MAGI2: variants seen among roughly 807,000 people sequenced by gnomAD.
The protein encoded by MAGI2 is membrane associated guanylate kinase, WW and PDZ domain containing 2.
MAGI2 carries 35 observed loss-of-function variants against 133.3 expected under a neutral mutation model. The ratio of observed to expected loss-of-function variants is 0.26; its 90% confidence interval spans 0.20 to 0.35. The LOEUF (loss-of-function observed/expected upper bound fraction) is 0.35, where lower values mean the gene tolerates loss of function less well. Ranked by LOEUF, MAGI2 falls within the 10% of genes least tolerant of loss-of-function variation. The pLI is 1.00. For missense variants in MAGI2, 1,636 were observed against 1,863.4 expected, an observed-to-expected ratio of 0.88 and a Z score of 2.25; for synonymous variants, 729 against 710.6, an observed-to-expected ratio of 1.03 and a Z score of -0.41.
At chr7:79,314,628 A>G (rs1448664888) in intron 1 of MAGI2, among the ~76,000 whole-genome samples, 1 of 152,122 alleles carries the variant, frequency 6.6e-6, no homozygotes, top group Non-Finnish European at 1.5e-5. Context: ...CTTCCTCCTG[A>G]GGATCAATTT....
intron 1 of MAGI2, among the ~76,000 whole-genome samples, chr7:79,289,438 T>C (rs1229733013): frequency 2.0e-5 from 3 of 152,272 alleles, no homozygotes; most frequent in African/African-American, 7.2e-5. Context: ...GAGGGCAAGG[T>C]CATGAGATTT....
At chr7:78,762,315 C>T (rs1400297241) in intron 2 of MAGI2, among the ~76,000 whole-genome samples, 3 of 151,996 alleles carry the variant, frequency 2.0e-5, no homozygotes, top group Non-Finnish European at 4.4e-5. Flanking sequence ...TGGTGGTGCA[C>T]ACCTGTAATC....
chr7:78,829,525 C>T (rs1357171951), intron 2 of MAGI2, among the ~76,000 whole-genome samples: 1 of 151,864 alleles, frequency 6.6e-6, no homozygotes, highest in African/African-American at 2.4e-5. Flanking sequence ...ATTGATTATT[C>T]ATCAATTTAT....
intron 2 of MAGI2, among the ~76,000 whole-genome samples, chr7:78,987,994 T>C (rs1805425663): frequency 6.6e-6 from 1 of 152,100 alleles, no homozygotes; most frequent in African/African-American, 2.4e-5. Flanking sequence ...AATAATGCTG[T>C]TCTATGCAGT....
Position 79,102,241 on chromosome 7 carries a change from A to AT in MAGI2, c.302-95036dup, listed in dbSNP as rs564140593. Among the ~76,000 whole-genome samples the AT allele has an allele frequency of 4.6e-5, 7 of 152,000 alleles. No individual in the cohort carries two copies. The South Asian group carries it at 1.0e-3, about 23-fold the overall frequency. ...GCCCCAAAATTCATTTAATCATTTG[A>AT]TTTTTTTTACTTTCAGATGTTGCCA... On this transcript the variant is annotated intron_variant, in intron 1 of 21. Transcript: ENST00000354212.
chr7:79,028,249 A>ATATATATATATATATGTATG (rs1810137746), intron 1 of MAGI2, among the ~76,000 whole-genome samples: 1 of 28,732 alleles, frequency 3.5e-5, no homozygotes, highest in African/African-American at 1.0e-4. Flanking sequence ...ATATATATAT[A>ATATATATATATATATGTATG]TATATATATA....
intron 13 of MAGI2, among the ~76,000 whole-genome samples, chr7:78,183,564 AT>A (rs976821523): frequency 6.6e-6 from 1 of 151,420 alleles, no homozygotes; most frequent in Non-Finnish European, 1.5e-5. Context: ...GCAATCGGCC[AT>A]TTTTGTATTT....
intron 1 of MAGI2, among the ~76,000 whole-genome samples, chr7:79,404,533 T>C (rs979980724): frequency 2.6e-5 from 4 of 152,104 alleles, no homozygotes; most frequent in African/African-American, 9.7e-5. Flanking sequence ...TATGAATACA[T>C]TTTTCTTTTC....
At chr7:78,768,121 C>A (rs758780385) in intron 2 of MAGI2, among the ~76,000 whole-genome samples, 12 of 152,184 alleles carry the variant, frequency 7.9e-5, no homozygotes, top group Non-Finnish European at 1.6e-4. Context: ...TGAGTGCCAT[C>A]CATCTTCTCC....
chr7:79,365,241 G>A (rs1283201023), intron 1 of MAGI2, among the ~76,000 whole-genome samples: 4 of 152,156 alleles, frequency 2.6e-5, no homozygotes, highest in Non-Finnish European at 5.9e-5. Context: ...CAATACCAAA[G>A]CGTGGAGAGA....
chr7:79,022,548 G>T (rs981172945), intron 1 of MAGI2, among the ~76,000 whole-genome samples: 10 of 148,906 alleles, frequency 6.7e-5, no homozygotes, highest in Non-Finnish European at 1.0e-4. Flanking sequence ...GAAGGCAATT[G>T]AGACACAAAA....
intron 9 of MAGI2, among the ~76,000 whole-genome samples, chr7:78,303,479 A>G (rs1798013750): frequency 2.0e-5 from 3 of 151,134 alleles, no homozygotes; most frequent in African/African-American, 7.3e-5. Context: ...AATAGTTATC[A>G]TCATCTCTCT....
At chr7:78,506,634 G>A (rs549610943) in intron 4 of MAGI2, among the ~76,000 whole-genome samples, 1 of 152,192 alleles carries the variant, frequency 6.6e-6, no homozygotes, top group Middle Eastern at 3.2e-3. Context: ...TTGAAGACAA[G>A]ACACTTAACT....
At chr7:78,805,792 AT>A (rs1281392209) in intron 2 of MAGI2, among the ~76,000 whole-genome samples, 1 of 152,156 alleles carries the variant, frequency 6.6e-6, no homozygotes. Flanking sequence ...CTTGTGAATA[AT>A]AGGGAACAGC....
chr7:78,910,263 C>CTT (rs71085572), intron 2 of MAGI2, among the ~76,000 whole-genome samples: 38,622 of 127,854 alleles, frequency 0.3, 6,330 homozygotes, highest in East Asian at 0.61. Flanking sequence ...TAAAGTAATT[C>CTT]TTTTTTTTTT....
chr7:79,297,401 G>T (rs1837021554), intron 1 of MAGI2, among the ~76,000 whole-genome samples: 1 of 152,170 alleles, frequency 6.6e-6, no homozygotes, highest in Non-Finnish European at 1.5e-5. Context: ...CTAGTAAAGA[G>T]CTGGAAGAAT....
chr7:79,353,363 A>G (rs1442408199), intron 1 of MAGI2: 4 of 433,856 alleles, frequency 9.2e-6, no homozygotes, highest in Non-Finnish European at 1.9e-5. Flanking sequence ...GTCATGGAGG[A>G]AGCCTTGCTG....
At chr7:78,437,001 C>G (rs538502618) in intron 6 of MAGI2, among the ~76,000 whole-genome samples, 15 of 152,238 alleles carry the variant, frequency 9.9e-5, no homozygotes, top group South Asian at 8.3e-4. Flanking sequence ...CTATACCAAA[C>G]GCAGAGTAGA....
chr7:78,675,301 G>A (rs1419169624), intron 2 of MAGI2, among the ~76,000 whole-genome samples: 1 of 151,830 alleles, frequency 6.6e-6, no homozygotes, highest in Non-Finnish European at 1.5e-5. Context: ...TTGAATGTGT[G>A]ATTCCATGTA....
Sources: gnomAD v4.1 joint callset for allele counts (sites outside exome capture counted in the v4.1 genomes callset) on GRCh38, gnomAD v4.1.1 for gene constraint, MANE v1.5 for transcripts, NCBI Gene and HGNC (gene_info 2026-07-23, HGNC 2026-07-21) for gene names.